GALNT10: variants seen among roughly 807,000 people sequenced by gnomAD.
GALNT10 encodes the protein GalNAc transferase 10.
A neutral mutation model predicts 75.0 loss-of-function variants in GALNT10; 41 were observed. The observed-to-expected ratio is 0.55, with a 90% CI of 0.43 to 0.71. GALNT10 has a LOEUF of 0.71. GALNT10 is among the 30% of genes least tolerant of loss of function. The pLI, the probability that GALNT10 is intolerant of heterozygous loss-of-function variation, is 0.00. For missense variants in GALNT10, 727 were observed against 818.5 expected (o/e 0.89, Z 1.36); for synonymous variants, 302 against 313.0 (o/e 0.96, Z 0.37).
chr5:154,294,749 G>A (rs1429864086), intron 1 of GALNT10, 67 bp from the exon 2 acceptor site: 3 of 844,214 alleles, frequency 3.6e-6, no homozygotes, highest in African/African-American at 1.7e-5. Context: ...CTTAGGCAGT[G>A]TAACTCCTGG....
intron 4 of GALNT10, among the ~76,000 whole-genome samples, chr5:154,350,360 G>A (rs1327638866): frequency 6.6e-6 from 1 of 152,140 alleles, no homozygotes; most frequent in African/African-American, 2.4e-5. Context: ...ACCAGTGCAG[G>A]AAAATAAACT....
At chr5:154,245,306 A>T (rs1753404456) in intron 1 of GALNT10, among the ~76,000 whole-genome samples, 1 of 152,206 alleles carries the variant, frequency 6.6e-6, no homozygotes, top group Non-Finnish European at 1.5e-5. Context: ...GGTGAGGGAC[A>T]GGTGATGTTG....
At chr5:154,333,556 A>C (rs910585625) in intron 4 of GALNT10, among the ~76,000 whole-genome samples, 1 of 151,420 alleles carries the variant, frequency 6.6e-6, no homozygotes, top group Admixed American at 6.6e-5. Context: ...TAACAGAATA[A>C]CCCCCTCCCC....
At chr5:154,364,336 G>C (rs772954201) in intron 4 of GALNT10, among the ~76,000 whole-genome samples, 1 of 152,200 alleles carries the variant, frequency 6.6e-6, no homozygotes. Flanking sequence ...AGCACCGGTA[G>C]TGTGAATGAG....
At chr5:154,271,221 C>T (rs1331075846) in intron 1 of GALNT10, among the ~76,000 whole-genome samples, 2 of 151,784 alleles carry the variant, frequency 1.3e-5, no homozygotes, top group East Asian at 3.9e-4. Flanking sequence ...AATCCCAGCA[C>T]TTTGGGAGGC....
intron 4 of GALNT10, among the ~76,000 whole-genome samples, chr5:154,331,178 G>C (rs764480535): frequency 6.6e-6 from 1 of 152,058 alleles, no homozygotes; most frequent in Non-Finnish European, 1.5e-5. Flanking sequence ...ACTGATCCCA[G>C]CTCCTTAGGC....
chr5:154,389,446 G>A (rs935312552), intron 7 of GALNT10: 33 of 151,908 alleles, frequency 2.2e-4, no homozygotes, highest in African/African-American at 8.0e-4. Flanking sequence ...GCCAGGCGTG[G>A]TGGTACATGC....
At chr5:154,330,479 T>G (rs1212639723) in intron 4 of GALNT10, among the ~76,000 whole-genome samples, 1 of 152,202 alleles carries the variant, frequency 6.6e-6, no homozygotes, top group African/African-American at 2.4e-5. Flanking sequence ...TGACTTACCC[T>G]TGGTCACACA....
intron 1 of GALNT10, among the ~76,000 whole-genome samples, chr5:154,238,110 G>A (rs932249110): frequency 6.6e-6 from 1 of 152,126 alleles, no homozygotes; most frequent in African/African-American, 2.4e-5. Context: ...GAGGCATTTG[G>A]GGTCTAGAAG....
chr5:154,311,618 T>C (rs1754519709), intron 3 of GALNT10, among the ~76,000 whole-genome samples: 3 of 152,026 alleles, frequency 2.0e-5, no homozygotes, highest in Admixed American at 6.5e-5. Context: ...GGAGACTTTT[T>C]TTTTTTTTTT....
intron 7 of GALNT10, among the ~76,000 whole-genome samples, chr5:154,393,923 T>C (rs746188909): frequency 1.3e-5 from 2 of 152,122 alleles, no homozygotes; most frequent in African/African-American, 2.4e-5. Context: ...TTCCAGCACA[T>C]TGTTGGGGCC....
intron 7 of GALNT10, chr5:154,388,689 T>G: frequency 3.1e-5 from 1 of 32,142 alleles, no homozygotes; most frequent in Admixed American, 3.7e-4. Context: ...CTTTCTGGGA[T>G]TTTTTTTTTT....
intron 4 of GALNT10, among the ~76,000 whole-genome samples, chr5:154,356,629 A>G (rs1755302127): frequency 6.6e-6 from 1 of 152,232 alleles, no homozygotes; most frequent in South Asian, 2.1e-4. Flanking sequence ...TGTAGAAAAA[A>G]TTGTAAAGGA....
chr5:154,276,758 A>G (rs1833734), intron 1 of GALNT10, among the ~76,000 whole-genome samples: 27,370 of 152,120 alleles, frequency 0.18, 2,640 homozygotes, highest in African/African-American at 0.22. Context: ...TAACTTCCAA[A>G]AAGAGAGAGG....
chr5:154,209,900 A>AT (rs34852083), intron 1 of GALNT10, among the ~76,000 whole-genome samples: 72 of 151,006 alleles, frequency 4.8e-4, no homozygotes, highest in African/African-American at 1.6e-3. Context: ...AATCAAACAC[A>AT]TTTTTTTTTT....
At chr5:154,278,236 G>T (rs1346640809) in intron 1 of GALNT10, among the ~76,000 whole-genome samples, 1 of 144,652 alleles carries the variant, frequency 6.9e-6, no homozygotes, top group East Asian at 1.9e-4. Flanking sequence ...CCAAGGGGAA[G>T]AATCATGTTG....
At chr5:154,207,622 G>A (rs1356457510) in intron 1 of GALNT10, among the ~76,000 whole-genome samples, 1 of 152,176 alleles carries the variant, frequency 6.6e-6, no homozygotes, top group Non-Finnish European at 1.5e-5. Context: ...CTGAAGGAGG[G>A]AATCCTGACC....
At chr5:154,205,679 T>TTCCACCCTATTCCAC (rs1279698826) in intron 1 of GALNT10, among the ~76,000 whole-genome samples, 1 of 152,202 alleles carries the variant, frequency 6.6e-6, no homozygotes, top group Non-Finnish European at 1.5e-5. Context: ...GGTGGGCCCT[T>TTCCACCCTATTCCAC]AATCCTCTGT....
chr5:154,395,049 G>A (rs1434464471), intron 7 of GALNT10, among the ~76,000 whole-genome samples: 2 of 152,226 alleles, frequency 1.3e-5, no homozygotes, highest in African/African-American at 2.4e-5. Flanking sequence ...CCAAGGAGAC[G>A]GCTCAAAGGC....
Sources: allele counts gnomAD v4.1 joint callset (sites outside exome capture counted in the v4.1 genomes callset), GRCh38; gene constraint gnomAD v4.1.1; transcripts MANE v1.5; gene names NCBI Gene and HGNC (gene_info 2026-07-23, HGNC 2026-07-21).